NINJ2: variants seen among roughly 807,000 people sequenced by gnomAD.
NINJ2 encodes the protein ninjurin 2.
A neutral mutation model predicts 11.7 loss-of-function variants in NINJ2; 12 were observed. That is an observed-to-expected ratio of 1.02 (90% CI 0.66 to 1.66). The LOEUF (loss-of-function observed/expected upper bound fraction) is 1.66. NINJ2 is among the 40% of genes most tolerant of loss of function. The pLI, the probability that NINJ2 is intolerant of heterozygous loss-of-function variation, is 0.00. For missense variants in NINJ2, 187 were observed against 181.8 expected (o/e 1.03, Z -0.16); for synonymous variants, 93 against 76.8 (o/e 1.21, Z -1.10).
intron 1 of NINJ2, among the ~76,000 whole-genome samples, chr12:642,271 T>C (rs1948428171): frequency 6.6e-6 from 1 of 152,206 alleles, no homozygotes; most frequent in African/African-American, 2.4e-5. Context: ...GTTTTTGTTT[T>C]TGAGGCTGGA....
intron 1 of NINJ2, among the ~76,000 whole-genome samples, chr12:576,472 CTGCT>C (rs938422572): frequency 2.6e-5 from 4 of 152,300 alleles, no homozygotes; most frequent in Non-Finnish European, 4.4e-5. Context: ...GAACTCGGGC[CTGCT>C]TGCTTGCTTA....
chr12:618,280 G>A (rs1224365251), intron 1 of NINJ2, among the ~76,000 whole-genome samples: 10 of 105,684 alleles, frequency 9.5e-5, no homozygotes, highest in African/African-American at 3.3e-4. Context: ...GTGGGGGTGA[G>A]GAGTTGGTAA....
At chr12:589,839 A>T (rs1947694521) in intron 1 of NINJ2, among the ~76,000 whole-genome samples, 2 of 149,314 alleles carry the variant, frequency 1.3e-5, no homozygotes, top group Admixed American at 1.3e-4. Flanking sequence ...TGGTAAATTT[A>T]GGGGGGGATT....
At position 565,963 on chromosome 12, in the gene NINJ2, C is replaced by A; in HGVS notation, c.249G>T (p.Leu83=). The part of the protein sequence containing the change: ...SLLLQVVIGV[L]LVVIARLNLN... ...TGGGCTCCTCACCAATGACCACGAG[C>A]AGGACACCGATGACCACCTGCAGGA... The change falls in exon 2 of 4, where the codon CTG becomes CTT. Residue 83 remains leucine (L), a synonymous_variant. Transcript: ENST00000305108. The A allele has an allele frequency of 6.2e-7, 1 of 1,614,176 alleles. No homozygotes were observed. The highest frequency in any genetic ancestry group is 8.5e-7 in the Non-Finnish European group (1 of 1,180,006).
At chr12:603,282 A>G (rs1947896471) in intron 1 of NINJ2, among the ~76,000 whole-genome samples, 2 of 152,172 alleles carry the variant, frequency 1.3e-5, no homozygotes, top group South Asian at 4.1e-4. Flanking sequence ...TCTTTTTATT[A>G]TAAAGTTGTA....
chr12:657,472 C>G (rs1208201583), intron 1 of NINJ2, among the ~76,000 whole-genome samples: 1 of 152,066 alleles, frequency 6.6e-6, no homozygotes, highest in African/African-American at 2.4e-5. Flanking sequence ...GCCTGTAGTC[C>G]CAGCTACTCA....
At chr12:643,996 T>G (rs1382100715) in intron 1 of NINJ2, 1 of 154,928 alleles carries the variant, frequency 6.5e-6, no homozygotes, top group Non-Finnish European at 1.5e-5. Flanking sequence ...ACCATGGTCT[T>G]CATTGCTGCC....
At chr12:570,649 C>T (rs1435611527) in intron 1 of NINJ2, among the ~76,000 whole-genome samples, 1 of 152,144 alleles carries the variant, frequency 6.6e-6, no homozygotes, top group Non-Finnish European at 1.5e-5. Context: ...CCGGACTCTT[C>T]GCCGCTGGCT....
At chr12:618,712 A>G (rs1948121535) in intron 1 of NINJ2, among the ~76,000 whole-genome samples, 1 of 152,228 alleles carries the variant, frequency 6.6e-6, no homozygotes, top group Non-Finnish European at 1.5e-5. Flanking sequence ...CTCTTATCGC[A>G]GAAGTTCTGT....
chr12:607,671 T>A (rs150684334), intron 1 of NINJ2, among the ~76,000 whole-genome samples: 1 of 152,200 alleles, frequency 6.6e-6, no homozygotes, highest in South Asian at 2.1e-4. Context: ...AATGCTGAGC[T>A]AATGCCACCT....
intron 2 of NINJ2, 173 bp from the exon 3 acceptor site, chr12:565,574 C>A (rs1947284950): frequency 4.5e-6 from 3 of 667,416 alleles, no homozygotes; most frequent in Admixed American, 5.6e-5. Flanking sequence ...CCAACCAGTA[C>A]AATGGGGCAC....
rs548974866 is a variant in NINJ2, at chr12:613,476, G to T, written c.34-47298C>A. Among the ~76,000 whole-genome samples, 10 of 152,276 alleles carry T rather than the reference G, an allele frequency of 6.6e-5. 1 individual carries two copies. The South Asian group carries it at 1.7e-3, about 25-fold the overall frequency. ...TACAAAAAATTAGCTGGGCATAGTG[G>T]CAGGCACCTGTAATCCCAGCTACTT... On this transcript the variant is annotated intron_variant, in intron 1 of 3. Coordinates refer to ENST00000305108, the MANE Select transcript of NINJ2 (RefSeq NM_016533.6).
At chr12:589,597 T>C (rs535747992) in intron 1 of NINJ2, 4 of 152,228 alleles carry the variant, frequency 2.6e-5, no homozygotes, top group Non-Finnish European at 5.9e-5. Flanking sequence ...CTTCCACTTC[T>C]AATTTTTCAC....
rs1017059418 is a variant in NINJ2, at chr12:581,161, G to C, written c.34-14983C>G. Among the ~76,000 whole-genome samples, 2 of 148,736 alleles carry C rather than the reference G, an allele frequency of 1.3e-5. No individual in the cohort carries two copies. Among genetic ancestry groups the C allele is most frequent in the African/African-American group, 2.5e-5 (1 of 39,518 alleles). On this transcript the variant is annotated intron_variant, in intron 1 of 3. Transcript: ENST00000305108. The surrounding 1 kb of genome is among the most constrained non-coding windows in gnomAD (Gnocchi z 4.9). ...TCTGTGTGTGTGTGCATGTGTCTCTGTGTGTGTGTGTGTGTCTGTGTGTGT... is the reference window on the plus strand; with the variant it reads ...TCTGTGTGTGTGTGCATGTGTCTCTCTGTGTGTGTGTGTGTCTGTGTGTGT...
chr12:641,956 G>A (rs536870942), intron 1 of NINJ2, among the ~76,000 whole-genome samples: 1 of 152,160 alleles, frequency 6.6e-6, no homozygotes, highest in Non-Finnish European at 1.5e-5. Flanking sequence ...GGACAATGCC[G>A]CTTTAGGGTA....
chr12:600,089 C>CT (rs1947847359), intron 1 of NINJ2, among the ~76,000 whole-genome samples: 1 of 152,204 alleles, frequency 6.6e-6, no homozygotes, highest in Non-Finnish European at 1.5e-5. Flanking sequence ...GCCTGAGCCA[C>CT]TGGGGGGTCT....
chr12:599,295 A>G (rs979923681), intron 1 of NINJ2, among the ~76,000 whole-genome samples: 18 of 152,128 alleles, frequency 1.2e-4, no homozygotes, highest in African/African-American at 4.3e-4. Context: ...GAGGCAGGAG[A>G]ATTTCTTGAA....
chr12:586,835 G>A (rs1443698036), intron 1 of NINJ2, among the ~76,000 whole-genome samples: 1 of 152,202 alleles, frequency 6.6e-6, no homozygotes. Context: ...TCCCTCTGCA[G>A]TGACCTTCAC....
At chr12:610,284 T>TC in intron 1 of NINJ2, 1 of 1,391,310 alleles carries the variant, frequency 7.2e-7, no homozygotes, top group African/African-American at 1.4e-5. Context: ...ACCTGCCCAG[T>TC]CCCCAGTGCC....
Sources: gnomAD v4.1 joint callset for allele counts (sites outside exome capture counted in the v4.1 genomes callset) on GRCh38, gnomAD v4.1.1 for gene constraint, Gnocchi (gnomAD v3.1) non-coding constraint, MANE v1.5 for transcripts, NCBI Gene and HGNC (gene_info 2026-07-23, HGNC 2026-07-21) for gene names.